Variants in ST8SIA1 observed in about 807,000 individuals in gnomAD.
ST8SIA1 encodes alpha-N-acetylneuraminide alpha-2,8-sialyltransferase.
ST8SIA1 carries 16 observed loss-of-function variants against 35.9 expected under a neutral mutation model. The ratio of observed to expected loss-of-function variants is 0.45; its 90% CI spans 0.30 to 0.68. The LOEUF (loss-of-function observed/expected upper bound fraction) is 0.68. Among genes scored for constraint, ST8SIA1 ranks in the 30% least tolerant of loss-of-function variants. The pLI is 0.09. For synonymous variants in ST8SIA1, 170 were observed against 169.6 expected (o/e 1.00, Z -0.02); for missense variants, 383 against 453.6 (o/e 0.84, Z 1.41).
In ST8SIA1 at chr12:22,334,227, G is replaced by C; in HGVS notation, c.6C>G (p.Ser2Arg). 6.2e-7 allele frequency: 1 copy of C among 1,610,822 alleles called. No individual in the cohort carries two copies. The highest frequency in any genetic ancestry group is 8.5e-7 in the Non-Finnish European group (1 of 1,178,668). Residue 2 changes from serine (S) to arginine (R), a missense_variant, in exon 1 of 5, where the codon AGC becomes AGG. Transcript: ENST00000396037. M[S>R]PCGRARRQTS... Reference sequence around the variant, plus strand: ...TTTGTCGCCGGGCCCGCCCGCAGGGGCTCATCGCAGCCCCGGCGTCCCAGG... The same window carrying C: ...TTTGTCGCCGGGCCCGCCCGCAGGGCCTCATCGCAGCCCCGGCGTCCCAGG...
At chr12:22,212,260 ACTT>A (rs369667829) in intron 4 of ST8SIA1, among the ~76,000 whole-genome samples, 30 of 152,188 alleles carry the variant, frequency 2.0e-4, no homozygotes, top group East Asian at 7.7e-4. Context: ...TCCTTTATTT[ACTT>A]CTTCTTCAAA....
chr12:22,214,641 C>T (rs1377631427), intron 4 of ST8SIA1, among the ~76,000 whole-genome samples: 1 of 151,174 alleles, frequency 6.6e-6, no homozygotes, highest in Non-Finnish European at 1.5e-5. Context: ...GACATGAAAT[C>T]CCAAATCCTT....
chr12:22,322,318 G>A (rs757959946), intron 1 of ST8SIA1, among the ~76,000 whole-genome samples: 34 of 152,304 alleles, frequency 2.2e-4, no homozygotes, highest in South Asian at 4.1e-4. Context: ...GAAGGCCTGC[G>A]TCCTCTTGGC....
intron 4 of ST8SIA1, among the ~76,000 whole-genome samples, chr12:22,214,385 A>G (rs1865211259): frequency 6.6e-6 from 1 of 152,184 alleles, no homozygotes; most frequent in African/African-American, 2.4e-5. Context: ...ATTTCATAGT[A>G]GAAATCAGTC....
At chr12:22,317,137 T>C (rs2135837449) in intron 1 of ST8SIA1, among the ~76,000 whole-genome samples, 1 of 152,260 alleles carries the variant, frequency 6.6e-6, no homozygotes, top group South Asian at 2.1e-4. Context: ...AGGAGAAACA[T>C]TATGGTCAAC....
chr12:22,295,008 T>A (rs1230978907), intron 1 of ST8SIA1, among the ~76,000 whole-genome samples: 1 of 152,154 alleles, frequency 6.6e-6, no homozygotes, highest in Non-Finnish European at 1.5e-5. Flanking sequence ...TCAACAAACA[T>A]TTGCTGAGCA....
intron 1 of ST8SIA1, among the ~76,000 whole-genome samples, chr12:22,302,801 T>A (rs918818315): frequency 1.3e-5 from 2 of 152,114 alleles, no homozygotes; most frequent in African/African-American, 4.8e-5. Flanking sequence ...TAAATGCATG[T>A]CTGATTGACA....
At chr12:22,309,320 G>A (rs577515558) in intron 1 of ST8SIA1, among the ~76,000 whole-genome samples, 1 of 152,024 alleles carries the variant, frequency 6.6e-6, no homozygotes, top group Non-Finnish European at 1.5e-5. Flanking sequence ...TCCATCTGAC[G>A]CTGCCCCTCC....
At chr12:22,216,992 A>T (rs1259925636) in intron 4 of ST8SIA1, among the ~76,000 whole-genome samples, 3 of 152,228 alleles carry the variant, frequency 2.0e-5, no homozygotes, top group Non-Finnish European at 2.9e-5. Flanking sequence ...AAAACGGGTA[A>T]TTAGGAACTG....
At chr12:22,295,592 G>T (rs1437913161) in intron 1 of ST8SIA1, among the ~76,000 whole-genome samples, 1 of 151,936 alleles carries the variant, frequency 6.6e-6, no homozygotes, top group Admixed American at 6.6e-5. Context: ...TAATTAGCCT[G>T]ATGTGGCGAT....
intron 1 of ST8SIA1, among the ~76,000 whole-genome samples, chr12:22,320,945 G>GAA (rs534911418): frequency 9.0e-4 from 82 of 91,556 alleles, no homozygotes; most frequent in African/African-American, 3.2e-3. Flanking sequence ...AAGAAAGAAA[G>GAA]AAAGAAAGAA....
intron 4 of ST8SIA1, among the ~76,000 whole-genome samples, chr12:22,228,709 A>G (rs1279347191): frequency 6.6e-6 from 1 of 152,206 alleles, no homozygotes; most frequent in Admixed American, 6.5e-5. Context: ...TGATACTGGC[A>G]TCTGAAGAAA....
In ST8SIA1 at chr12:22,221,422, T is replaced by C. The variant is rs373236955; in HGVS notation, c.585-19384A>G. On this transcript the variant is annotated intron_variant, in intron 4 of 4. Transcript: ENST00000396037. ...AAAAGAGAAAAAGAACAAAAATCAT[T>C]TTCCTTCCTATCACTCATCCCATTA... 1.1e-4 allele frequency among the ~76,000 whole-genome samples: 17 copies of C among 152,222 alleles called. No homozygotes were observed. The East Asian group carries it at 2.7e-3, about 24-fold the overall frequency.
intron 1 of ST8SIA1, among the ~76,000 whole-genome samples, chr12:22,288,007 T>G (rs959936064): frequency 1.3e-5 from 2 of 152,184 alleles, no homozygotes; most frequent in South Asian, 4.1e-4. Context: ...GCTCCCTCAG[T>G]GTCTGAAGCA....
At chr12:22,305,619 G>A (rs1389115820) in intron 1 of ST8SIA1, among the ~76,000 whole-genome samples, 1 of 152,030 alleles carries the variant, frequency 6.6e-6, no homozygotes, top group Non-Finnish European at 1.5e-5. Context: ...GACCTCAGGT[G>A]ACCCACCTGC....
chr12:22,301,739 G>T (rs1198608457), intron 1 of ST8SIA1, among the ~76,000 whole-genome samples: 1 of 152,144 alleles, frequency 6.6e-6, no homozygotes, highest in Non-Finnish European at 1.5e-5. Context: ...CTCATACCTT[G>T]TCTATGCAGT....
chr12:22,291,624 G>T (rs555888967), intron 1 of ST8SIA1, among the ~76,000 whole-genome samples: 3 of 152,202 alleles, frequency 2.0e-5, no homozygotes, highest in African/African-American at 7.2e-5. Context: ...AACAGGGAGT[G>T]TCATCAGAGT....
intron 4 of ST8SIA1, 82 bp downstream of exon 4, chr12:22,248,924 T>A (rs373281253): frequency 9.7e-7 from 1 of 1,032,940 alleles, no homozygotes; most frequent in East Asian, 2.4e-5. Context: ...CCAAACTGAA[T>A]TATGCTCACT....
intron 2 of ST8SIA1, among the ~76,000 whole-genome samples, chr12:22,283,164 A>G (rs962089297): frequency 2.5e-4 from 38 of 152,284 alleles, no homozygotes; most frequent in African/African-American, 8.9e-4. Context: ...GGGGTGCATT[A>G]AGGATGTTTT....
Sources: gnomAD v4.1 joint callset for allele counts (sites outside exome capture counted in the v4.1 genomes callset) on GRCh38, gnomAD v4.1.1 for gene constraint, MANE v1.5 for transcripts, NCBI Gene and HGNC (gene_info 2026-07-23, HGNC 2026-07-21) for gene names.